The following GTF2A1 variants were observed in gnomAD, a reference collection of about 807,000 sequenced individuals.
GTF2A1 encodes general transcription factor IIA subunit 1.
Under a neutral mutation model 54.1 loss-of-function variants are expected in GTF2A1, and 12 were observed. The ratio of observed to expected loss-of-function variants is 0.22; its 90% CI spans 0.14 to 0.36. The LOEUF (loss-of-function observed/expected upper bound fraction) is 0.36. Among genes scored for constraint, GTF2A1 ranks in the 10% least tolerant of loss-of-function variants. The pLI is 1.00. For synonymous variants in GTF2A1, 145 were observed against 152.0 expected (o/e 0.95, Z 0.34); for missense variants, 335 against 442.2 (o/e 0.76, Z 2.17).
rs1337521627 is a variant in GTF2A1 at position 81,177,865 on chromosome 14, G to A, written c.*2358C>T. 1 of 152,048 alleles carries A rather than the reference G, an allele frequency of 6.6e-6. No individual in the cohort carries two copies. The highest frequency in any genetic ancestry group is 2.4e-5 in the African/African-American group (1 of 41,418). The allele number at this position is 152,048 out of a possible 1,614,324, so 9.4% of individuals were successfully genotyped here. On this transcript the variant is annotated 3_prime_UTR_variant, in exon 9 of 9. Transcript: ENST00000553612. Reference sequence around the variant, plus strand: ...CTAAAACATGCTATTTGATTAAAAAGGACACGATGCAAATAATATATAAGA... The same window carrying A: ...CTAAAACATGCTATTTGATTAAAAAAGACACGATGCAAATAATATATAAGA...
At chr14:81,186,980 T>A (rs1892762850) in intron 7 of GTF2A1, among the ~76,000 whole-genome samples, 1 of 151,666 alleles carries the variant, frequency 6.6e-6, no homozygotes. Flanking sequence ...AATTATTATG[T>A]CTAGGCCTAT....
rs555305891 is a variant in GTF2A1, at chr14:81,214,540, G to A, written c.132+1873C>T. On this transcript the variant is annotated intron_variant, in intron 2 of 8. Coordinates refer to ENST00000553612, the MANE Select transcript of GTF2A1 (RefSeq NM_015859.4). Reference sequence around the variant, plus strand: ...GGGCGCCTGTAGTCCCAGCTACTTGGGAGGCTGAGGCAGGAGAATGGCATG... The same window carrying A: ...GGGCGCCTGTAGTCCCAGCTACTTGAGAGGCTGAGGCAGGAGAATGGCATG... Among the ~76,000 whole-genome samples, 29 of 152,008 alleles carry A rather than the reference G, an allele frequency of 1.9e-4. 1 individual carries two copies. The South Asian group carries it at 5.4e-3, about 28-fold the overall frequency.
rs151133438 is a variant in GTF2A1 at position 81,192,417 on chromosome 14, T to A, written c.933+102A>T. 6.2e-4 allele frequency: 537 copies of A among 859,474 alleles called. 4 individuals carry two copies. The African/African-American group carries it at 8.0e-3, about 13-fold the overall frequency. The allele number at this position is 859,474 out of a possible 1,614,324, so 53.2% of individuals were successfully genotyped here. On this transcript the variant is annotated intron_variant, in intron 7 of 8. Coordinates refer to ENST00000553612, the MANE Select transcript of GTF2A1 (RefSeq NM_015859.4). ...TTAAAATCTTATGTTGTACAGCACC[T>A]AACAGTCTCTGAAAAAAACAGGATA... is the stretch of plus-strand genomic sequence containing the variant.
chr14:81,213,548 A>G (rs1219340069), intron 2 of GTF2A1, among the ~76,000 whole-genome samples: 6 of 152,216 alleles, frequency 3.9e-5, no homozygotes, highest in African/African-American at 1.2e-4. Flanking sequence ...AAGGACAACC[A>G]TTATAAAAGT....
intron 1 of GTF2A1, among the ~76,000 whole-genome samples, chr14:81,218,321 A>C (rs908727794): frequency 7.9e-5 from 12 of 152,204 alleles, no homozygotes; most frequent in Non-Finnish European, 1.8e-4. Context: ...TAAATCATTA[A>C]GATTTTATTT....
intron 4 of GTF2A1, 38 bp from the exon 5 acceptor site, chr14:81,197,522 A>C: frequency 9.4e-7 from 1 of 1,064,692 alleles, no homozygotes; most frequent in Non-Finnish European, 1.4e-6. Flanking sequence ...AACCACATAC[A>C]TGTATAATAC....
chr14:81,188,283 G>C (rs1365664216), intron 7 of GTF2A1, among the ~76,000 whole-genome samples: 1 of 152,182 alleles, frequency 6.6e-6, no homozygotes, highest in Admixed American at 6.5e-5. Flanking sequence ...AGGAGGCTGA[G>C]GCAGAAAGAT....
chr14:81,186,639 A>C (rs186268193), intron 7 of GTF2A1, among the ~76,000 whole-genome samples: 11 of 152,330 alleles, frequency 7.2e-5, no homozygotes, highest in Non-Finnish European at 1.6e-4. Context: ...ACCAAAGTAG[A>C]GAAGACAATA....
chr14:81,199,458 A>G (rs528918599), intron 4 of GTF2A1, among the ~76,000 whole-genome samples: 51 of 152,352 alleles, frequency 3.3e-4, no homozygotes, highest in African/African-American at 1.2e-3. Flanking sequence ...CTACTATATT[A>G]TCTCACGTTT....
rs1555390540 is a variant in GTF2A1 at position 81,211,875 on chromosome 14, T to TTTTA, written c.132+4537_132+4538insTAAA. 8.8e-5 allele frequency among the ~76,000 whole-genome samples: 6 copies of TTTTA among 68,488 alleles called. No individual in the cohort carries two copies. The East Asian group carries it at 1.6e-3, about 18-fold the overall frequency. The allele number at this position is 68,488 out of a possible 152,430, so 44.9% of individuals were successfully genotyped here. ...ACATAATTAGAGTGTATCAAGTACT[T>TTTTA]TATATATATATATATATATATATAT... On this transcript the variant is annotated intron_variant, in intron 2 of 8. Coordinates refer to ENST00000553612, the MANE Select transcript of GTF2A1 (RefSeq NM_015859.4).
chr14:81,191,393 A>G (rs1237194982), intron 7 of GTF2A1, among the ~76,000 whole-genome samples: 2 of 152,230 alleles, frequency 1.3e-5, no homozygotes, highest in African/African-American at 2.4e-5. Context: ...TGTTTGTAAC[A>G]GTAAACAACA....
chr14:81,182,578 T>C (rs1328777856), intron 8 of GTF2A1, among the ~76,000 whole-genome samples: 1 of 152,248 alleles, frequency 6.6e-6, no homozygotes, highest in African/African-American at 2.4e-5. Context: ...GGCCGAGTCA[T>C]CATTATCTCC....
chr14:81,214,338 G>A (rs771808707), intron 2 of GTF2A1, among the ~76,000 whole-genome samples: 3 of 152,006 alleles, frequency 2.0e-5, no homozygotes, highest in Non-Finnish European at 2.9e-5. Context: ...TTCATCTCAG[G>A]ACGATTTATC....
In GTF2A1 at chr14:81,218,483, T is replaced by A. The variant is rs1176190424; in HGVS notation, c.31-1969A>T. Among the ~76,000 whole-genome samples the A allele has an allele frequency of 2.0e-5, 3 of 152,198 alleles. No individual in the cohort carries two copies. The South Asian group carries it at 6.2e-4, about 32-fold the overall frequency. ...TTTGAAAAGCCTTCAAGATACTAAT[T>A]TTTGAAAAGTATGTGGGCACATAGG... On this transcript the variant is annotated intron_variant, in intron 1 of 8. Transcript: ENST00000553612.
intron 6 of GTF2A1, among the ~76,000 whole-genome samples, chr14:81,194,345 G>C (rs890644412): frequency 2.6e-5 from 4 of 152,182 alleles, no homozygotes; most frequent in Non-Finnish European, 4.4e-5. Context: ...ACCAGTCCCT[G>C]GTGTCAAAAA....
chr14:81,194,590 A>C (rs1424610733), intron 6 of GTF2A1, among the ~76,000 whole-genome samples: 1 of 152,230 alleles, frequency 6.6e-6, no homozygotes, highest in African/African-American at 2.4e-5. Flanking sequence ...CAGACACATA[A>C]ACATATAAAG....
chr14:81,195,435 C>A (rs977059924), intron 6 of GTF2A1, among the ~76,000 whole-genome samples: 12 of 151,306 alleles, frequency 7.9e-5, no homozygotes, highest in Non-Finnish European at 1.5e-4. Flanking sequence ...AGATAGAAAC[C>A]ATCCTAGCTA....
At chr14:81,208,535 C>T (rs966244848) in intron 2 of GTF2A1, among the ~76,000 whole-genome samples, 1 of 152,200 alleles carries the variant, frequency 6.6e-6, no homozygotes, top group Non-Finnish European at 1.5e-5. Context: ...TGGGGCAGTG[C>T]CCAGTGGAGC....
At chr14:81,201,980 T>C (rs577529367) in intron 3 of GTF2A1, among the ~76,000 whole-genome samples, 1 of 152,144 alleles carries the variant, frequency 6.6e-6, no homozygotes, top group South Asian at 2.1e-4. Flanking sequence ...GCCAATATGG[T>C]GAAACCCCAT....
Sources: gnomAD v4.1 joint callset for allele counts (sites outside exome capture counted in the v4.1 genomes callset) on GRCh38, gnomAD v4.1.1 for gene constraint, MANE v1.5 for transcripts, NCBI Gene and HGNC (gene_info 2026-07-23, HGNC 2026-07-21) for gene names.